Variants in OSBPL9 observed in about 807,000 individuals in gnomAD.
OSBPL9 encodes the protein oxysterol-binding protein-related protein 9.
Under a neutral mutation model 106.6 loss-of-function variants are expected in OSBPL9, and 40 were observed. The observed-to-expected ratio is 0.38, with a 90% CI of 0.29 to 0.49. The LOEUF is 0.49. OSBPL9 is among the 20% of genes least tolerant of loss of function. The pLI is 0.97. For synonymous variants in OSBPL9, 269 were observed against 295.4 expected (o/e 0.91, Z 0.92); for missense variants, 609 against 887.2 (o/e 0.69, Z 3.98).
the OSBPL9 span, among the ~76,000 whole-genome samples, chr1:51,562,932 G>A: frequency 6.6e-6 from 1 of 152,270 alleles, no homozygotes; most frequent in East Asian, 1.9e-4. Context: ...CCCTTGGCTG[G>A]GTGCAGTGGT....
intron 3 of OSBPL9, among the ~76,000 whole-genome samples, chr1:51,672,418 A>C (rs576807354): frequency 6.6e-6 from 1 of 152,338 alleles, no homozygotes; most frequent in South Asian, 2.1e-4. Context: ...TTATTTACTC[A>C]TGACTACCAC....
chr1:51,522,428 G>A, the OSBPL9 span, among the ~76,000 whole-genome samples: 4,579 of 152,222 alleles, frequency 0.03, 76 homozygotes, highest in African/African-American at 0.05. Context: ...GGAGATGGGA[G>A]CATGTCTATA....
intron 1 of OSBPL9, among the ~76,000 whole-genome samples, chr1:51,620,328 CT>C (rs1644348421): frequency 6.6e-6 from 1 of 152,064 alleles, no homozygotes; most frequent in African/African-American, 2.4e-5. Context: ...TGAAAGGTTA[CT>C]GAGTACCTAT....
intron 15 of OSBPL9, among the ~76,000 whole-genome samples, chr1:51,779,634 T>C (rs1174555985): frequency 1.3e-5 from 2 of 151,534 alleles, no homozygotes; most frequent in Non-Finnish European, 2.9e-5. Context: ...ATTCGCAAAC[T>C]ATGCATCTGG....
At chr1:51,740,267 T>C (rs1193986359) in intron 4 of OSBPL9, 13 of 1,443,500 alleles carry the variant, frequency 9.0e-6, no homozygotes, top group African/African-American at 1.5e-5. Flanking sequence ...TGAAAGCTTA[T>C]CTGTGATGCA....
At chr1:51,619,622 G>C (rs1644305223) in intron 1 of OSBPL9, among the ~76,000 whole-genome samples, 1 of 152,050 alleles carries the variant, frequency 6.6e-6, no homozygotes, top group African/African-American at 2.4e-5. Context: ...AGAAACAACA[G>C]ACAATTGTTG....
chr1:51,687,236 A>C (rs1303838562), intron 3 of OSBPL9, among the ~76,000 whole-genome samples: 1 of 152,210 alleles, frequency 6.6e-6, no homozygotes, highest in African/African-American at 2.4e-5. Context: ...AGTGCTATTC[A>C]GGGGGTCTCA....
intron 2 of OSBPL9, among the ~76,000 whole-genome samples, chr1:51,665,870 A>T (rs78201030): frequency 0.061 from 9,298 of 151,934 alleles, 394 homozygotes; most frequent in Middle Eastern, 0.14. Flanking sequence ...ATATATATAT[A>T]TTTTTTTAGA....
chr1:51,718,945 T>C (rs566969725), intron 4 of OSBPL9, among the ~76,000 whole-genome samples: 14 of 152,240 alleles, frequency 9.2e-5, no homozygotes, highest in Non-Finnish European at 1.9e-4. Flanking sequence ...TTCTTGCAGA[T>C]TGTGACCTAA....
chr1:51,609,283 C>T (rs1188105236), intron 2 of OSBPL9, among the ~76,000 whole-genome samples: 1 of 151,706 alleles, frequency 6.6e-6, no homozygotes, highest in African/African-American at 2.4e-5. Context: ...CTGAACCATA[C>T]ACTCTATCCA....
chr1:51,772,551 C>A, intron 13 of OSBPL9, 54 bp from the exon 14 acceptor site: 1 of 1,312,886 alleles, frequency 7.6e-7, no homozygotes, highest in South Asian at 1.2e-5. Flanking sequence ...ATTCTAGTAT[C>A]AGGACAGATT....
chr1:51,528,855 CA>C, the OSBPL9 span, among the ~76,000 whole-genome samples: 4 of 152,154 alleles, frequency 2.6e-5, no homozygotes, highest in East Asian at 7.7e-4. Context: ...GCCTGGGAGA[CA>C]GAACGAGACT....
chr1:51,559,069 G>C, the OSBPL9 span, among the ~76,000 whole-genome samples: 1 of 152,200 alleles, frequency 6.6e-6, no homozygotes, highest in African/African-American at 2.4e-5. Context: ...ACAGGGAACA[G>C]GAGGGGTCAG....
At chr1:51,623,309 T>C (rs892661366) in intron 1 of OSBPL9, among the ~76,000 whole-genome samples, 14 of 152,112 alleles carry the variant, frequency 9.2e-5, no homozygotes, top group Non-Finnish European at 1.8e-4. Flanking sequence ...AAAATAGGAA[T>C]ATGCTTAAAT....
intron 12 of OSBPL9, among the ~76,000 whole-genome samples, chr1:51,766,546 G>A (rs1375773205): frequency 6.6e-6 from 1 of 152,112 alleles, no homozygotes; most frequent in African/African-American, 2.4e-5. Context: ...GTCCCTTTAA[G>A]CTGCCATAAC....
chr1:51,761,735 T>G (rs959041138), intron 10 of OSBPL9, 132 bp from the exon 11 acceptor site: 2 of 650,158 alleles, frequency 3.1e-6, no homozygotes, highest in Non-Finnish European at 5.6e-6. Flanking sequence ...AGGAGTAGCA[T>G]GGAACTAGAC....
rs1557888744 is a variant in OSBPL9, at chr1:51,788,656, A to G, written c.*867A>G. Among the ~76,000 whole-genome samples the G allele has an allele frequency of 6.6e-6, 1 of 152,074 alleles. No homozygotes were observed. Among genetic ancestry groups the G allele is most frequent in the Non-Finnish European group, 1.5e-5 (1 of 68,008 alleles). ...ATTCCCCAGAATCTTCACTTAACTC[A>G]TATTGCACATGTAGGGCTGCCTACC... On this transcript the variant is annotated 3_prime_UTR_variant, in exon 24 of 24. Transcript: ENST00000428468.
intron 3 of OSBPL9, among the ~76,000 whole-genome samples, chr1:51,696,409 C>A (rs1438373391): frequency 3.3e-5 from 5 of 152,132 alleles, no homozygotes; most frequent in African/African-American, 4.8e-5. Flanking sequence ...AAAACAACAA[C>A]AACAACAACA....
At position 51,587,899 on chromosome 1, in the gene OSBPL9, C is replaced by T. The variant is rs150417049; in HGVS notation, c.-422-10225C>T. Among the ~76,000 whole-genome samples, 157 of 152,346 alleles carry T rather than the reference C, an allele frequency of 1.0e-3. 2 individuals carry two copies. The East Asian group carries it at 0.03, about 29-fold the overall frequency. ...CTCCACTGAGTTGTCAAATGGTCTT[C>T]CTAACTGTCAAATGCAATGAATGCT... On this transcript the variant is annotated intron_variant, in intron 1 of 25. Transcript: ENST00000371714.
Sources: gnomAD v4.1 joint callset for allele counts (sites outside exome capture counted in the v4.1 genomes callset) on GRCh38, gnomAD v4.1.1 for gene constraint, MANE v1.5 for transcripts, NCBI Gene and HGNC (gene_info 2026-07-23, HGNC 2026-07-21) for gene names.